The following CEP112 variants were observed in gnomAD, a reference collection of about 807,000 sequenced individuals.
CEP112 encodes the protein centrosomal protein of 112 kDa.
A neutral mutation model predicts 153.0 loss-of-function variants in CEP112; 127 were observed. The ratio of observed to expected loss-of-function variants is 0.83; its 90% CI spans 0.72 to 0.96. CEP112 has a LOEUF of 0.96. Ranked by LOEUF, CEP112 falls within the 40% of genes least tolerant of loss-of-function variation. The pLI is 0.00. For synonymous variants in CEP112, 358 were observed against 374.4 expected, an observed-to-expected ratio of 0.96 and a Z score of 0.51; for missense variants, 1,089 against 1,101.2, an observed-to-expected ratio of 0.99 and a Z score of 0.16.
At chr17:65,844,995 GAACAAGACTCTGT>G (rs1226421934) in intron 21 of CEP112, among the ~76,000 whole-genome samples, 6 of 148,082 alleles carry the variant, frequency 4.1e-5, no homozygotes, top group Non-Finnish European at 7.5e-5. Flanking sequence ...CCTGGCGACA[GAACAAGACTCTGT>G]CTCAAAAAAA....
chr17:66,042,314 C>T (rs1011482654), intron 12 of CEP112, among the ~76,000 whole-genome samples: 1 of 152,100 alleles, frequency 6.6e-6, no homozygotes, highest in Non-Finnish European at 1.5e-5. Context: ...TGTGCAACTA[C>T]ACTTTAGCCT....
chr17:66,054,800 A>C (rs1244222430), intron 11 of CEP112, among the ~76,000 whole-genome samples: 2 of 152,216 alleles, frequency 1.3e-5, no homozygotes, highest in East Asian at 3.8e-4. Flanking sequence ...TCTGTCACCC[A>C]GGCTGGAGTG....
At chr17:66,054,609 T>C (rs2066598415) in intron 11 of CEP112, among the ~76,000 whole-genome samples, 1 of 152,216 alleles carries the variant, frequency 6.6e-6, no homozygotes, top group East Asian at 1.9e-4. Context: ...TGAAAATCTG[T>C]GCTCCCAGCC....
intron 8 of CEP112, among the ~76,000 whole-genome samples, chr17:66,094,171 C>T (rs8074529): frequency 1 from 152,012 of 152,258 alleles, 75,884 homozygotes; most frequent in Middle Eastern, 1. Context: ...GCGATTCTCC[C>T]GCCTCAGCCT....
At chr17:65,889,387 T>C (rs1212556226) in intron 20 of CEP112, among the ~76,000 whole-genome samples, 1 of 152,198 alleles carries the variant, frequency 6.6e-6, no homozygotes, top group Non-Finnish European at 1.5e-5. Flanking sequence ...AAACTAATAT[T>C]GACAGGGTTA....
chr17:65,733,901 G>A (rs564107287), intron 23 of CEP112, among the ~76,000 whole-genome samples: 20 of 152,236 alleles, frequency 1.3e-4, no homozygotes, highest in African/African-American at 2.9e-4. Context: ...AAAGTCCTCC[G>A]AAAAACACAA....
chr17:65,928,146 T>G (rs1231230154), intron 18 of CEP112, among the ~76,000 whole-genome samples: 2 of 152,152 alleles, frequency 1.3e-5, no homozygotes, highest in Non-Finnish European at 2.9e-5. Context: ...TCCAAAAAGA[T>G]ATACAAAAGG....
chr17:65,817,248 A>G (rs1169889168), intron 21 of CEP112, among the ~76,000 whole-genome samples: 1 of 151,984 alleles, frequency 6.6e-6, no homozygotes, highest in Non-Finnish European at 1.5e-5. Flanking sequence ...AAACATAGAT[A>G]TTCAGCATAT....
chr17:66,035,448 CTG>C (rs1259534885), intron 12 of CEP112, among the ~76,000 whole-genome samples: 1 of 152,076 alleles, frequency 6.6e-6, no homozygotes, highest in African/African-American at 2.4e-5. Flanking sequence ...CAGAAAACAA[CTG>C]TTGGTGAAGT....
chr17:66,161,965 T>A (rs2071730464), intron 4 of CEP112, among the ~76,000 whole-genome samples: 1 of 151,844 alleles, frequency 6.6e-6, no homozygotes. Context: ...TAAATTCTGT[T>A]CATTATAAAT....
intron 23 of CEP112, among the ~76,000 whole-genome samples, chr17:65,722,243 T>A (rs1339406685): frequency 6.6e-6 from 1 of 151,528 alleles, no homozygotes; most frequent in Non-Finnish European, 1.5e-5. Context: ...TAGAGCCAAT[T>A]TTCTTTCTTT....
At chr17:65,970,587 TTTA>T (rs1490426293) in intron 17 of CEP112, among the ~76,000 whole-genome samples, 2 of 152,144 alleles carry the variant, frequency 1.3e-5, no homozygotes, top group Admixed American at 1.3e-4. Context: ...TTGCGTGCAT[TTTA>T]TATATTACCT....
chr17:65,886,526 G>A (rs931644149), intron 20 of CEP112, among the ~76,000 whole-genome samples: 3 of 152,138 alleles, frequency 2.0e-5, no homozygotes, highest in Non-Finnish European at 2.9e-5. Context: ...GATAAGAATA[G>A]GGACACTTTC....
intron 21 of CEP112, among the ~76,000 whole-genome samples, chr17:65,793,323 T>C (rs1011150606): frequency 5.3e-5 from 8 of 151,842 alleles, no homozygotes; most frequent in Admixed American, 3.9e-4. Flanking sequence ...CAACACACAA[T>C]GGGGCCTGTT....
chr17:65,930,478 C>T (rs1453542235), intron 18 of CEP112, among the ~76,000 whole-genome samples: 1 of 152,190 alleles, frequency 6.6e-6, no homozygotes, highest in East Asian at 1.9e-4. Context: ...TAGATTATAG[C>T]ATGCTATTTA....
chr17:65,792,356 C>A (rs1033759516), intron 21 of CEP112, among the ~76,000 whole-genome samples: 2 of 152,130 alleles, frequency 1.3e-5, no homozygotes, highest in African/African-American at 4.8e-5. Context: ...ATCCTAAGAA[C>A]TTCAAAACAA....
chr17:66,063,821 T>G (rs1361407925), intron 10 of CEP112, among the ~76,000 whole-genome samples: 1 of 152,138 alleles, frequency 6.6e-6, no homozygotes, highest in Non-Finnish European at 1.5e-5. Context: ...CACTTGCATG[T>G]TTTAAACCAC....
At chr17:65,747,866 T>C (rs568203264) in intron 22 of CEP112, among the ~76,000 whole-genome samples, 2 of 152,154 alleles carry the variant, frequency 1.3e-5, no homozygotes, top group African/African-American at 4.8e-5. Flanking sequence ...AGGAGGAAAA[T>C]CTTTAAAATA....
chr17:66,190,557 G>A lies in CEP112; in HGVS notation c.-9+1440C>T, dbSNP rs566689087. ...CCAGGTGACGGACGTTGCAGTGAGC[G>A]TGAGCTGAGTTTGCACCACTGCACT... On this transcript the variant is annotated intron_variant, in intron 1 of 26. Coordinates refer to ENST00000535342, the MANE Select transcript of CEP112 (RefSeq NM_001199165.4). Among the ~76,000 whole-genome samples, 15 of 152,092 alleles carry A rather than the reference G, an allele frequency of 9.9e-5. No individual in the cohort carries two copies. The South Asian group carries it at 1.7e-3, about 17-fold the overall frequency.
Sources: gnomAD v4.1 joint callset for allele counts (sites outside exome capture counted in the v4.1 genomes callset) on GRCh38, gnomAD v4.1.1 for gene constraint, MANE v1.5 for transcripts, NCBI Gene and HGNC (gene_info 2026-07-23, HGNC 2026-07-21) for gene names.